The following CLASP1 variants were observed in gnomAD, a reference collection of about 807,000 sequenced individuals.
The protein encoded by CLASP1 is CLIP-associating protein 1.
Under a neutral mutation model 192.3 loss-of-function variants are expected in CLASP1, and 38 were observed. The observed-to-expected ratio is 0.20, with a 90% CI of 0.15 to 0.26. CLASP1 has a LOEUF of 0.26. CLASP1 is among the 10% of genes least tolerant of loss of function. The pLI, the probability that CLASP1 is intolerant of heterozygous loss-of-function variation, is 1.00. For synonymous variants in CLASP1, 691 were observed against 712.8 expected, an observed-to-expected ratio of 0.97 and a Z score of 0.49; for missense variants, 1,433 against 1,932.5, an observed-to-expected ratio of 0.74 and a Z score of 4.85.
At chr2:121,606,058 C>T in exon 2 of CLASP1, 1 of 609,336 alleles carries the variant, frequency 1.6e-6, no homozygotes, top group Non-Finnish European at 2.9e-6. Context: ...CCATGTGTGT[C>T]TGAAGAGCAG....
intron 18 of CLASP1, 86 bp from the exon 19 acceptor site, chr2:121,447,593 C>T (rs1304165206): frequency 6.9e-6 from 8 of 1,155,290 alleles, no homozygotes; most frequent in Non-Finnish European, 9.6e-6. Flanking sequence ...TTTTGCTTTC[C>T]TGAAAACAAA....
At chr2:121,494,675 G>A (rs72969348) in intron 8 of CLASP1, among the ~76,000 whole-genome samples, 6,187 of 152,230 alleles carry the variant, frequency 0.041, 166 homozygotes, top group East Asian at 0.14. Flanking sequence ...TGACTGTTAT[G>A]CAAAATACCT....
In CLASP1 at chr2:121,447,318, G is replaced by A; in HGVS notation, c.1912+19C>T. On this transcript the variant is annotated intron_variant, in intron 19 of 39. Transcript: ENST00000263710. Reference sequence around the variant, plus strand: ...TGCAGAGCAGTGCAGGAGGGAAAGGGTGACAGGGGTGTGGTTACCTAAGGA... The same window carrying A: ...TGCAGAGCAGTGCAGGAGGGAAAGGATGACAGGGGTGTGGTTACCTAAGGA... 6.3e-7 allele frequency: 1 copy of A among 1,581,090 alleles called. No individual in the cohort carries two copies. The highest frequency in any genetic ancestry group is 8.6e-7 in the Non-Finnish European group (1 of 1,163,462).
At chr2:121,430,291 C>T in intron 19 of CLASP1, 114 bp from the exon 20 acceptor site, 1 of 714,428 alleles carries the variant, frequency 1.4e-6, no homozygotes, top group African/African-American at 1.8e-5. Context: ...ACATGGGGAG[C>T]AACAGCTTCT....
chr2:121,552,436 C>T (rs1409459198), intron 2 of CLASP1, among the ~76,000 whole-genome samples: 2 of 152,170 alleles, frequency 1.3e-5, no homozygotes, highest in East Asian at 3.9e-4. Flanking sequence ...ATTTGCAAAC[C>T]ACGCATCTGA....
intron 6 of CLASP1, among the ~76,000 whole-genome samples, chr2:121,518,943 C>CTA (rs1221176926): frequency 2.6e-5 from 4 of 152,194 alleles, no homozygotes; most frequent in Non-Finnish European, 5.9e-5. Context: ...ACCTTGAATA[C>CTA]TATTAAAGTG....
At chr2:121,395,101 C>T (rs2075066271) in intron 30 of CLASP1, among the ~76,000 whole-genome samples, 1 of 152,088 alleles carries the variant, frequency 6.6e-6, no homozygotes, top group Admixed American at 6.5e-5. Context: ...CTGCAAGAGA[C>T]TGAAATCTGC....
At chr2:121,507,741 A>T (rs2093986701) in intron 7 of CLASP1, among the ~76,000 whole-genome samples, 1 of 152,350 alleles carries the variant, frequency 6.6e-6, no homozygotes, top group South Asian at 2.1e-4. Flanking sequence ...CTGTCACAAG[A>T]GAAGACAAAG....
At chr2:121,637,004 AC>A (rs1363328728) in intron 1 of CLASP1, among the ~76,000 whole-genome samples, 12 of 152,244 alleles carry the variant, frequency 7.9e-5, no homozygotes, top group Non-Finnish European at 1.2e-4. Context: ...CCTGTATGGT[AC>A]TAGACTAGGC....
rs369591947 is a variant in CLASP1, at chr2:121,411,452, ATTG to A, written c.2321-486_2321-484del. Among the ~76,000 whole-genome samples, 15 of 152,314 alleles carry A rather than the reference ATTG, an allele frequency of 9.8e-5. No homozygotes were observed. In the East Asian group the frequency reaches 2.3e-3, roughly 23 times the overall value. ...TTATTAGTGTCACTTCTGTTTAACT[ATTG>A]TTAAGCTCATTTAATTTTAGATACT... On this transcript the variant is annotated intron_variant, in intron 23 of 39. Transcript: ENST00000263710.
chr2:121,611,648 T>A (rs1318873043), intron 1 of CLASP1, among the ~76,000 whole-genome samples: 6 of 81,378 alleles, frequency 7.4e-5, no homozygotes, highest in Admixed American at 2.7e-4. Context: ...GAGGAGGAGT[T>A]GGAGGAGTTA....
At chr2:121,529,676 T>G (rs1008672092) in intron 3 of CLASP1, among the ~76,000 whole-genome samples, 1 of 152,206 alleles carries the variant, frequency 6.6e-6, no homozygotes, top group Non-Finnish European at 1.5e-5. Context: ...TGACATACTG[T>G]TTTCCCTTCA....
chr2:121,584,865 A>G (rs186328892), intron 2 of CLASP1, among the ~76,000 whole-genome samples: 2 of 152,362 alleles, frequency 1.3e-5, no homozygotes, highest in African/African-American at 4.8e-5. Context: ...ATTTAAATCC[A>G]TAACAGGTCA....
intron 8 of CLASP1, among the ~76,000 whole-genome samples, chr2:121,500,114 A>C (rs542045718): frequency 6.6e-6 from 1 of 152,172 alleles, no homozygotes; most frequent in African/African-American, 2.4e-5. Context: ...CCTACAACTA[A>C]TAAGTTCAGA....
rs1252419632 is a variant in CLASP1 at position 121,347,171 on chromosome 2, G to C, written c.4414-17C>G. On this transcript the variant is annotated splice_polypyrimidine_tract_variant and intron_variant, in intron 38 of 39. Transcript: ENST00000263710. ...GTCATAACCCTAGAGAGCCAGAAGGGAACACGAAAAGGAAACCAGATCAAA... is the reference window on the plus strand; with the variant it reads ...GTCATAACCCTAGAGAGCCAGAAGGCAACACGAAAAGGAAACCAGATCAAA... 6 of 1,511,906 alleles carry C rather than the reference G, an allele frequency of 4.0e-6. No individual in the cohort carries two copies. The highest frequency in any genetic ancestry group is 1.2e-5 in the South Asian group (1 of 83,282). The allele number at this position is 1,511,906 out of a possible 1,614,324, so 93.7% of individuals were successfully genotyped here. A position where few individuals can be genotyped will look rare whatever the true frequency, so the allele number is the denominator to read the frequency against.
At chr2:121,547,016 G>A (rs953187486) in intron 2 of CLASP1, among the ~76,000 whole-genome samples, 3 of 152,142 alleles carry the variant, frequency 2.0e-5, no homozygotes, top group South Asian at 2.1e-4. Context: ...CTGCTGTTTT[G>A]CAGCCTTCAC....
chr2:121,645,051 G>T (rs932365862), intron 1 of CLASP1, among the ~76,000 whole-genome samples: 6 of 151,640 alleles, frequency 4.0e-5, no homozygotes, highest in African/African-American at 1.5e-4. Flanking sequence ...AGGGCTGTTT[G>T]CATACCTTCA....
intron 1 of CLASP1, among the ~76,000 whole-genome samples, chr2:121,636,338 A>AAAT (rs58688393): frequency 0.15 from 20,557 of 138,040 alleles, 1,648 homozygotes; most frequent in South Asian, 0.24. Flanking sequence ...TCCATTTCAA[A>AAAT]AATAATAATA....
intron 8 of CLASP1, among the ~76,000 whole-genome samples, chr2:121,478,906 CACACACACCACACA>C (rs2092244874): frequency 1.7e-5 from 1 of 57,928 alleles, no homozygotes; most frequent in African/African-American, 1.9e-4. Context: ...CACACCACAC[CACACACACCACACA>C]CACACCACAC....
Sources: allele counts gnomAD v4.1 joint callset (sites outside exome capture counted in the v4.1 genomes callset), GRCh38; gene constraint gnomAD v4.1.1; transcripts MANE v1.5; gene names NCBI Gene and HGNC (gene_info 2026-07-23, HGNC 2026-07-21).